The following KIF1B variants were observed in gnomAD, a reference collection of about 807,000 sequenced individuals.
KIF1B encodes kinesin family member 1B.
KIF1B carries 76 observed loss-of-function variants against 241.9 expected under a neutral mutation model. That is an observed-to-expected ratio of 0.31 (90% CI 0.26 to 0.38). The LOEUF is 0.38. Ranked by LOEUF, KIF1B falls within the 10% of genes least tolerant of loss-of-function variation. The probability of loss-of-function intolerance (pLI) is 1.00; values close to 1 mark genes in which losing one functional copy is unlikely to be tolerated. For synonymous variants in KIF1B, 750 were observed against 796.7 expected, an observed-to-expected ratio of 0.94 and a Z score of 0.99; for missense variants, 1,622 against 2,271.4, an observed-to-expected ratio of 0.71 and a Z score of 5.81.
At position 10,318,502 on chromosome 1, in the gene KIF1B, G is replaced by A. The variant is rs142052271; in HGVS notation, c.2116-1541G>A. Among the ~76,000 whole-genome samples, 1,254 of 151,584 alleles carry A rather than the reference G, an allele frequency of 8.3e-3. 67 individuals carry two copies. The highest frequency in any genetic ancestry group is 0.028 in the African/African-American group (1,163 of 40,922). ...TTTGGGAGGCCAAGGTGGGCAGATCGTGAGGTCAGGAGTTCGAGATCAGCC... is the reference window on the plus strand; with the variant it reads ...TTTGGGAGGCCAAGGTGGGCAGATCATGAGGTCAGGAGTTCGAGATCAGCC... On this transcript the variant is annotated intron_variant, in intron 22 of 48. Coordinates refer to ENST00000676179, the MANE Select transcript of KIF1B (RefSeq NM_001365951.3).
In KIF1B at chr1:10,271,531, A is replaced by G; in HGVS notation, c.750A>G (p.Ala250=). 6.2e-7 allele frequency: 1 copy of G among 1,613,996 alleles called. No individual in the cohort carries two copies. The highest frequency in any genetic ancestry group is 8.5e-7 in the Non-Finnish European group (1 of 1,179,850). Residue 250 remains alanine, a synonymous_variant, in exon 8 of 49, where the codon GCA becomes GCG. Transcript: ENST00000676179. The part of the protein sequence containing the change: ...KVSKISLVDL[A]GSERADSTGA... ...GTAAAATCAGCTTGGTGGATCTAGCAGGAAGTGAACGAGCTGATTCAACTG... is the reference window on the plus strand; with the variant it reads ...GTAAAATCAGCTTGGTGGATCTAGCGGGAAGTGAACGAGCTGATTCAACTG...
intron 37 of KIF1B, 115 bp downstream of exon 37, chr1:10,348,848 TC>T (rs1652686553): frequency 6.5e-6 from 5 of 770,664 alleles, no homozygotes; most frequent in African/African-American, 1.7e-5. Flanking sequence ...AGATCATAGC[TC>T]CCTGTAGCCT....
chr1:10,220,405 A>AGATAGATAGATAGATAGATAGAT (rs1571087482), intron 1 of KIF1B, among the ~76,000 whole-genome samples: 42 of 137,614 alleles, frequency 3.1e-4, no homozygotes, highest in East Asian at 4.6e-4. Flanking sequence ...GATGATAGAT[A>AGATAGATAGATAGATAGATAGAT]GATAGATAGA....
chr1:10,378,951 T>A lies in KIF1B; in HGVS notation c.*2364T>A. 1 of 233,416 alleles carries A rather than the reference T, an allele frequency of 4.3e-6. No homozygotes were observed. Among genetic ancestry groups the A allele is most frequent in the East Asian group, 6.1e-5 (1 of 16,420 alleles). The allele number at this position is 233,416 out of a possible 1,614,324, so 14.5% of individuals were successfully genotyped here. On this transcript the variant is annotated 3_prime_UTR_variant, in exon 49 of 49. Transcript: ENST00000676179. ...TGTTATTTGTTTTCTAAGTGGTATG[T>A]GAGATTTTCTAATGTAGTTAGAAGT...
Position 10,276,333 on chromosome 1 carries a change from G to A in KIF1B, c.971G>A (p.Arg324Gln), listed in dbSNP as rs779564234. Reference protein sequence around the residue: ...LLRENLGGNSRTAMVAALSPA... With the variant: ...LLRENLGGNSQTAMVAALSPA... Reference sequence around the variant, plus strand: ...TTAATCTTTTTAGGTGGCAATTCTCGGACTGCAATGGTTGCTGCTCTGAGC... The same window carrying A: ...TTAATCTTTTTAGGTGGCAATTCTCAGACTGCAATGGTTGCTGCTCTGAGC... The change falls in exon 12 of 49, where the codon CGG becomes CAG. Residue 324 changes from arginine to glutamine, a missense_variant. Arg to Gln is a conservative substitution (Grantham distance 43). Around this residue, in one of 7 missense-constraint regions of KIF1B, gnomAD observed 201 missense variants for 301.2 expected, o/e 0.67. Transcript: ENST00000676179. 6 of 1,613,396 alleles carry A rather than the reference G, an allele frequency of 3.7e-6. No individual in the cohort carries two copies. In the South Asian group the frequency reaches 4.4e-5, roughly 12 times the overall value.
intron 15 of KIF1B, among the ~76,000 whole-genome samples, chr1:10,287,281 C>T (rs1332994069): frequency 6.6e-6 from 1 of 152,190 alleles, no homozygotes; most frequent in African/African-American, 2.4e-5. Flanking sequence ...AGTGCAACCT[C>T]TGCCTTCCAG....
At chr1:10,330,646 T>C (rs1168223581) in intron 27 of KIF1B, among the ~76,000 whole-genome samples, 1 of 152,196 alleles carries the variant, frequency 6.6e-6, no homozygotes, top group Non-Finnish European at 1.5e-5. Flanking sequence ...TATAACCCAT[T>C]TTTCTAGAAA....
Position 10,337,289 on chromosome 1 carries a change from T to C in KIF1B, c.3260-82T>C. On this transcript the variant is annotated intron_variant, in intron 30 of 48. Coordinates refer to ENST00000676179, the MANE Select transcript of KIF1B (RefSeq NM_001365951.3). This position sits in a 1 kb window ranked among gnomAD's most constrained non-coding sequence, Gnocchi z 4.0. ...TTATCAAGGGACATAGTGGCCTTCATCAACTAGGAATGGAAAGCATGCCCA... is the reference window on the plus strand; with the variant it reads ...TTATCAAGGGACATAGTGGCCTTCACCAACTAGGAATGGAAAGCATGCCCA... The C allele has an allele frequency of 6.2e-7, 1 of 1,612,266 alleles. No homozygotes were observed. The highest frequency in any genetic ancestry group is 8.5e-7 in the Non-Finnish European group (1 of 1,178,308).
chr1:10,228,453 A>G (rs767850137), intron 1 of KIF1B, among the ~76,000 whole-genome samples: 3 of 152,224 alleles, frequency 2.0e-5, no homozygotes, highest in Non-Finnish European at 2.9e-5. Context: ...GAACAAGAGA[A>G]CGTTCTTGCT....
chr1:10,286,894 C>T (rs1448883311), intron 15 of KIF1B, among the ~76,000 whole-genome samples: 1 of 151,876 alleles, frequency 6.6e-6, no homozygotes, highest in Non-Finnish European at 1.5e-5. Flanking sequence ...CTCCTCAACC[C>T]CTCATTTCTG....
In KIF1B at chr1:10,376,864, C is replaced by CAT. The variant is rs773290327; in HGVS notation, c.*278_*279insTA. 1 of 434,432 alleles carries CAT rather than the reference C, an allele frequency of 2.3e-6. No homozygotes were observed. The highest frequency in any genetic ancestry group is 4.3e-6 in the Non-Finnish European group (1 of 232,704). The allele number at this position is 434,432 out of a possible 1,614,324, so 26.9% of individuals were successfully genotyped here. ...ACACACACACACACACACACACACA[C>CAT]ACATACACAGACAAAAACACAAAAA... On this transcript the variant is annotated 3_prime_UTR_variant, in exon 49 of 49. Transcript: ENST00000676179.
chr1:10,360,102 C>T (rs1569895585), intron 38 of KIF1B, among the ~76,000 whole-genome samples: 1 of 151,718 alleles, frequency 6.6e-6, no homozygotes, highest in African/African-American at 2.4e-5. Context: ...AACCCATCTA[C>T]CCAGTTTCTA....
chr1:10,216,025 A>T (rs1197718784), intron 1 of KIF1B, among the ~76,000 whole-genome samples: 3 of 152,214 alleles, frequency 2.0e-5, no homozygotes, highest in Non-Finnish European at 4.4e-5. Context: ...TTTTCTAAGC[A>T]CTTTACGTTT....
intron 15 of KIF1B, among the ~76,000 whole-genome samples, chr1:10,288,520 A>G (rs1219189973): frequency 6.6e-6 from 1 of 152,088 alleles, no homozygotes; most frequent in Non-Finnish European, 1.5e-5. Flanking sequence ...AATGAGAGCC[A>G]TTTCAGGTGG....
chr1:10,343,268 C>A lies in KIF1B; in HGVS notation c.3669C>A (p.Pro1223=). Residue 1223 remains proline, a synonymous_variant, in exon 34 of 49, where the codon CCC becomes CCA. Coordinates refer to ENST00000676179, the MANE Select transcript of KIF1B (RefSeq NM_001365951.3). The part of the protein sequence containing the change: ...PQPCRRFFPP[P]MPLSKPVPAT... ...CGTGCCGCCGATTCTTCCCTCCACC[C>A]ATGCCACTGTCCAAGCCAGGTGAGC... 1 of 1,614,218 alleles carries A rather than the reference C, an allele frequency of 6.2e-7. No homozygotes were observed. Among genetic ancestry groups the A allele is most frequent in the Non-Finnish European group, 8.5e-7 (1 of 1,180,030 alleles).
intron 27 of KIF1B, among the ~76,000 whole-genome samples, chr1:10,331,096 A>C (rs917267061): frequency 1.1e-4 from 9 of 80,566 alleles, no homozygotes; most frequent in African/African-American, 9.9e-4. Flanking sequence ...CCCCACCTCA[A>C]AAAAAAAAAA....
At chr1:10,250,011 A>G (rs576120732) in intron 2 of KIF1B, among the ~76,000 whole-genome samples, 2 of 152,206 alleles carry the variant, frequency 1.3e-5, no homozygotes, top group African/African-American at 4.8e-5. Context: ...GGGTCTCACT[A>G]TGTTGCCCAG....
chr1:10,321,263 C>T (rs1238917722), intron 23 of KIF1B, among the ~76,000 whole-genome samples: 2 of 152,058 alleles, frequency 1.3e-5, no homozygotes, highest in Non-Finnish European at 1.5e-5. Flanking sequence ...GCCACCACGC[C>T]TGGCTAATTT....
intron 22 of KIF1B, 113 bp downstream of exon 22, chr1:10,297,359 C>A: frequency 1.1e-6 from 1 of 891,022 alleles, no homozygotes; most frequent in South Asian, 1.4e-5. Context: ...TGATACCAAG[C>A]ACTATTCTTT....
Sources: allele counts gnomAD v4.1 joint callset (sites outside exome capture counted in the v4.1 genomes callset), GRCh38; gene constraint gnomAD v4.1.1; regional missense constraint gnomAD v4.1.1; non-coding constraint Gnocchi (gnomAD v3.1); transcripts MANE v1.5; gene names NCBI Gene and HGNC (gene_info 2026-07-23, HGNC 2026-07-21).